The following KCNJ3 variants were observed in gnomAD, a reference collection of about 807,000 sequenced individuals.
KCNJ3 encodes potassium inwardly rectifying channel subfamily J member 3, also known as G protein-activated inward rectifier potassium channel 1.
Under a neutral mutation model 39.2 loss-of-function variants are expected in KCNJ3, and 4 were observed. The observed-to-expected ratio is 0.10, with a 90% CI of 0.05 to 0.23. The LOEUF is 0.23. Ranked by LOEUF, KCNJ3 falls within the 10% of genes least tolerant of loss-of-function variation. The probability of loss-of-function intolerance (pLI) is 1.00; values close to 1 mark genes in which losing one functional copy is unlikely to be tolerated. For synonymous variants in KCNJ3, 230 were observed against 237.4 expected (o/e 0.97, Z 0.29); for missense variants, 276 against 634.9 (o/e 0.43, Z 6.08).
chr2:154,816,783 G>A (rs1687089168), intron 2 of KCNJ3, among the ~76,000 whole-genome samples: 2 of 152,146 alleles, frequency 1.3e-5, no homozygotes, highest in African/African-American at 4.8e-5. Context: ...ATGTTTGCAT[G>A]TAAGTATTAA....
Position 154,735,069 on chromosome 2 carries a change from CTGTGTGTGTGTGTGTG to C in KCNJ3, c.919+25268_919+25283del, listed in dbSNP as rs10632638. Among the ~76,000 whole-genome samples, 182 of 145,892 alleles carry C rather than the reference CTGTGTGTGTGTGTGTG, an allele frequency of 1.2e-3. 1 individual carries two copies. Among genetic ancestry groups the C allele is most frequent in the Middle Eastern group, 3.4e-3 (1 of 294 alleles). ...TAGACTTTCCACTCCCCTTGTAGGC[CTGTGTGTGTGTGTGTG>C]TGTGTGTGTGTGTGTGTTTGAGACG... On this transcript the variant is annotated intron_variant, in intron 2 of 2. Transcript: ENST00000295101.
chr2:154,715,790 G>A (rs1685170954), intron 2 of KCNJ3, among the ~76,000 whole-genome samples: 1 of 152,118 alleles, frequency 6.6e-6, no homozygotes, highest in African/African-American at 2.4e-5. Context: ...ATTTACACCA[G>A]TAAAGTTTTA....
chr2:154,832,053 C>G (rs1687372777), intron 2 of KCNJ3, among the ~76,000 whole-genome samples: 1 of 151,928 alleles, frequency 6.6e-6, no homozygotes, highest in Non-Finnish European at 1.5e-5. Context: ...CTCTTTGTAC[C>G]AGCTGTCTTT....
At position 154,731,870 on chromosome 2, in the gene KCNJ3, T is replaced by C. The variant is rs372500413; in HGVS notation, c.919+22051T>C. Among the ~76,000 whole-genome samples, 25 of 152,056 alleles carry C rather than the reference T, an allele frequency of 1.6e-4. 1 individual carries two copies. In the South Asian group the frequency reaches 1.7e-3, roughly 10 times the overall value. Reference sequence around the variant, plus strand: ...AATGAAAATAATTCATTTCAGTGGGTCTTTGTAGGGTAAAAAATTATCATC... The same window carrying C: ...AATGAAAATAATTCATTTCAGTGGGCCTTTGTAGGGTAAAAAATTATCATC... On this transcript the variant is annotated intron_variant, in intron 2 of 2. Coordinates refer to ENST00000295101, the MANE Select transcript of KCNJ3 (RefSeq NM_002239.4).
intron 2 of KCNJ3, among the ~76,000 whole-genome samples, chr2:154,758,052 T>G (rs939034138): frequency 6.6e-6 from 1 of 151,906 alleles, no homozygotes; most frequent in Non-Finnish European, 1.5e-5. Flanking sequence ...TCAAATTTAT[T>G]GGACATAATT....
chr2:154,790,728 T>C (rs544036867), intron 2 of KCNJ3, among the ~76,000 whole-genome samples: 2 of 152,138 alleles, frequency 1.3e-5, no homozygotes, highest in African/African-American at 4.8e-5. Context: ...GGCCACCTAT[T>C]AGAATGTCTA....
intron 2 of KCNJ3, among the ~76,000 whole-genome samples, chr2:154,791,494 G>C (rs911815608): frequency 6.6e-6 from 1 of 151,996 alleles, no homozygotes; most frequent in African/African-American, 2.4e-5. Flanking sequence ...AAACTTGTCT[G>C]AGTTCACACA....
chr2:154,821,407 T>C (rs1333929506), intron 2 of KCNJ3, among the ~76,000 whole-genome samples: 1 of 152,184 alleles, frequency 6.6e-6, no homozygotes, highest in Non-Finnish European at 1.5e-5. Flanking sequence ...CTACGAAGTT[T>C]GAAGGTAGGA....
At chr2:154,765,166 C>A (rs1686111440) in intron 2 of KCNJ3, among the ~76,000 whole-genome samples, 1 of 152,108 alleles carries the variant, frequency 6.6e-6, no homozygotes, top group South Asian at 2.1e-4. Context: ...GTTATGGCAA[C>A]CAAAAGAAAT....
At chr2:154,844,465 C>A (rs1558889440) in intron 2 of KCNJ3, among the ~76,000 whole-genome samples, 1 of 152,210 alleles carries the variant, frequency 6.6e-6, no homozygotes, top group East Asian at 1.9e-4. Context: ...GCTGGGAGAA[C>A]CACTGCTCTC....
At chr2:154,743,436 G>A (rs888817012) in intron 2 of KCNJ3, among the ~76,000 whole-genome samples, 1 of 151,730 alleles carries the variant, frequency 6.6e-6, no homozygotes, top group African/African-American at 2.4e-5. Flanking sequence ...ACAGTTTTGA[G>A]TAGTATTGAC....
chr2:154,708,406 T>G (rs1474827434), intron 1 of KCNJ3, among the ~76,000 whole-genome samples: 1 of 152,178 alleles, frequency 6.6e-6, no homozygotes, highest in Non-Finnish European at 1.5e-5. Context: ...TTTTTGGAAC[T>G]CTGAGAGTAA....
intron 2 of KCNJ3, among the ~76,000 whole-genome samples, chr2:154,852,116 C>G (rs1171198192): frequency 1.3e-5 from 2 of 152,090 alleles, no homozygotes; most frequent in Non-Finnish European, 2.9e-5. Flanking sequence ...ACAAACTTTC[C>G]TTACTTTTTA....
intron 2 of KCNJ3, among the ~76,000 whole-genome samples, chr2:154,851,802 T>C (rs1264889455): frequency 6.6e-6 from 1 of 152,198 alleles, no homozygotes; most frequent in Non-Finnish European, 1.5e-5. Context: ...GTAGATGTCA[T>C]AGCACTTTAA....
At chr2:154,805,321 G>T (rs1186814673) in intron 2 of KCNJ3, among the ~76,000 whole-genome samples, 1 of 152,144 alleles carries the variant, frequency 6.6e-6, no homozygotes, top group Admixed American at 6.6e-5. Context: ...TTGTGTAAGT[G>T]CCTTGATAGG....
At chr2:154,802,398 C>T (rs566009196) in intron 2 of KCNJ3, among the ~76,000 whole-genome samples, 1 of 152,124 alleles carries the variant, frequency 6.6e-6, no homozygotes, top group East Asian at 1.9e-4. Flanking sequence ...CCTGCCATGA[C>T]TTGGTTGTAT....
At chr2:154,750,575 A>G (rs1341409157) in intron 2 of KCNJ3, among the ~76,000 whole-genome samples, 1 of 152,034 alleles carries the variant, frequency 6.6e-6, no homozygotes, top group Admixed American at 6.6e-5. Flanking sequence ...TCAGGCTAGC[A>G]TAAACAAATA....
intron 2 of KCNJ3, among the ~76,000 whole-genome samples, chr2:154,800,441 G>A (rs1479772748): frequency 4.6e-5 from 7 of 152,034 alleles, no homozygotes; most frequent in Admixed American, 2.6e-4. Flanking sequence ...GTAGAGATCG[G>A]CACTCCATTC....
chr2:154,728,075 GTTATTC>G (rs1057087104), intron 2 of KCNJ3, among the ~76,000 whole-genome samples: 9 of 151,862 alleles, frequency 5.9e-5, no homozygotes, highest in African/African-American at 1.9e-4. Context: ...ATTTCCCCCT[GTTATTC>G]TTATTAGTAT....
Sources: allele counts gnomAD v4.1 joint callset (sites outside exome capture counted in the v4.1 genomes callset), GRCh38; gene constraint gnomAD v4.1.1; transcripts MANE v1.5; gene names NCBI Gene and HGNC (gene_info 2026-07-23, HGNC 2026-07-21).